The following CTNNA2 variants were observed in gnomAD, a reference collection of about 807,000 sequenced individuals.
The protein encoded by CTNNA2 is catenin alpha-2.
CTNNA2 carries 42 observed loss-of-function variants against 101.0 expected under a neutral mutation model. That is an observed-to-expected ratio of 0.42 (90% CI 0.32 to 0.54). The LOEUF is 0.54. Among genes scored for constraint, CTNNA2 ranks in the 20% least tolerant of loss-of-function variants. The pLI, the probability that CTNNA2 is intolerant of heterozygous loss-of-function variation, is 0.14. For missense variants in CTNNA2, 871 were observed against 1,223.1 expected, an observed-to-expected ratio of 0.71 and a Z score of 4.29; for synonymous variants, 450 against 456.4, an observed-to-expected ratio of 0.99 and a Z score of 0.18.
At chr2:80,386,434 A>C (rs1677008190) in intron 7 of CTNNA2, among the ~76,000 whole-genome samples, 1 of 152,222 alleles carries the variant, frequency 6.6e-6, no homozygotes, top group Non-Finnish European at 1.5e-5. Context: ...CATAATATAA[A>C]GATATTATGA....
At chr2:79,306,462 C>T (rs1676250758) in intron 2 of CTNNA2, among the ~76,000 whole-genome samples, 1 of 152,172 alleles carries the variant, frequency 6.6e-6, no homozygotes. Context: ...CATAAATACA[C>T]ATAATTTTTG....
intron 7 of CTNNA2, among the ~76,000 whole-genome samples, chr2:80,368,545 T>G (rs1675144060): frequency 6.6e-6 from 1 of 151,894 alleles, no homozygotes; most frequent in Admixed American, 6.6e-5. Flanking sequence ...CCAATGTGGG[T>G]ACAAAAAGTA....
At chr2:80,308,374 G>C (rs1388491841) in intron 7 of CTNNA2, among the ~76,000 whole-genome samples, 3 of 152,142 alleles carry the variant, frequency 2.0e-5, no homozygotes, top group Non-Finnish European at 4.4e-5. Context: ...CACCAGCCTG[G>C]ACCTTGATCT....
chr2:80,079,906 A>C (rs939511445), intron 7 of CTNNA2, among the ~76,000 whole-genome samples: 8 of 150,546 alleles, frequency 5.3e-5, no homozygotes, highest in African/African-American at 1.9e-4. Context: ...AAATAAAATA[A>C]AATAAAATAG....
intron 2 of CTNNA2, chr2:79,687,681 A>T (rs1684027772): frequency 1.8e-6 from 1 of 558,868 alleles, no homozygotes; most frequent in African/African-American, 2.0e-5. Context: ...AAAATAACTT[A>T]AAAAACTGGA....
rs116261050 is a variant in CTNNA2, at chr2:80,562,102, A to G, written c.1741+6209A>G. On this transcript the variant is annotated intron_variant, in intron 12 of 18. Transcript: ENST00000402739. ...GTAAACATATCTGGAGAAGCTGTCT[A>G]TAAATCTCTCTCCAGGTTATTTCAC... Among the ~76,000 whole-genome samples, 821 of 137,876 alleles carry G rather than the reference A, an allele frequency of 6.0e-3. 4 individuals are homozygous for G. Among genetic ancestry groups the G allele is most frequent in the African/African-American group, 0.02 (793 of 40,236 alleles). 90.5% of individuals were successfully genotyped at this position (137,876 alleles called of 152,430 possible). A position where few individuals can be genotyped will look rare whatever the true frequency, so the allele number is the denominator to read the frequency against.
chr2:79,817,885 T>C (rs1574048007), intron 3 of CTNNA2, among the ~76,000 whole-genome samples: 1 of 152,178 alleles, frequency 6.6e-6, no homozygotes, highest in East Asian at 1.9e-4. Flanking sequence ...CCAATTATAT[T>C]GCACCATCGA....
At chr2:79,994,583 T>A (rs1409347977) in intron 7 of CTNNA2, among the ~76,000 whole-genome samples, 2 of 151,128 alleles carry the variant, frequency 1.3e-5, no homozygotes, top group Non-Finnish European at 2.9e-5. Context: ...TTCTTCTGTT[T>A]CATAGGAAAA....
intron 7 of CTNNA2, among the ~76,000 whole-genome samples, chr2:80,352,305 T>C (rs748432130): frequency 1.3e-5 from 2 of 152,152 alleles, no homozygotes; most frequent in Non-Finnish European, 2.9e-5. Context: ...TGAACCTACA[T>C]AGAGAGCGAC....
intron 2 of CTNNA2, among the ~76,000 whole-genome samples, chr2:79,223,608 A>G (rs1674372945): frequency 6.6e-6 from 1 of 152,128 alleles, no homozygotes; most frequent in Non-Finnish European, 1.5e-5. Context: ...AGGGATAGAA[A>G]TCTTTCTGCT....
intron 3 of CTNNA2, among the ~76,000 whole-genome samples, chr2:79,767,859 G>A (rs1673275670): frequency 6.6e-6 from 1 of 151,382 alleles, no homozygotes; most frequent in Admixed American, 6.6e-5. Flanking sequence ...CAAGCAGAAG[G>A]AAGGGGTCTC....
intron 2 of CTNNA2, among the ~76,000 whole-genome samples, chr2:79,259,991 C>T (rs1216176568): frequency 6.6e-6 from 1 of 152,154 alleles, no homozygotes. Flanking sequence ...GCAGATGCTA[C>T]CTAGGAGTTT....
intron 7 of CTNNA2, among the ~76,000 whole-genome samples, chr2:79,963,146 G>A (rs1289012558): frequency 6.6e-6 from 1 of 150,380 alleles, no homozygotes; most frequent in Admixed American, 6.6e-5. Flanking sequence ...TAAAGATTGT[G>A]TTCTAAATGA....
At chr2:79,963,519 A>G (rs1017170661) in intron 7 of CTNNA2, among the ~76,000 whole-genome samples, 1 of 152,178 alleles carries the variant, frequency 6.6e-6, no homozygotes, top group Non-Finnish European at 1.5e-5. Context: ...CAGATAGCCC[A>G]TGTCAGTCAC....
intron 4 of CTNNA2, among the ~76,000 whole-genome samples, chr2:79,471,431 T>C (rs948541088): frequency 6.6e-6 from 1 of 152,134 alleles, no homozygotes; most frequent in Non-Finnish European, 1.5e-5. Context: ...TATCCTCCCA[T>C]GGAAGAAAGA....
intron 2 of CTNNA2, chr2:79,687,767 C>T (rs979245778): frequency 6.3e-6 from 3 of 477,720 alleles, no homozygotes; most frequent in South Asian, 3.2e-5. Flanking sequence ...TGAAAATTAA[C>T]TGAAGATGTT....
At chr2:80,227,770 T>C (rs1708970996) in intron 7 of CTNNA2, among the ~76,000 whole-genome samples, 1 of 152,176 alleles carries the variant, frequency 6.6e-6, no homozygotes, top group Non-Finnish European at 1.5e-5. Flanking sequence ...ATTTATGACT[T>C]GTCTGAGAGA....
At chr2:79,636,306 A>G (rs1680063994) in intron 1 of CTNNA2, among the ~76,000 whole-genome samples, 1 of 150,580 alleles carries the variant, frequency 6.6e-6, no homozygotes, top group Non-Finnish European at 1.5e-5. Flanking sequence ...AAAAGGAAGA[A>G]AAAGAAAAGA....
At chr2:79,619,665 A>G (rs1678867044) in intron 1 of CTNNA2, among the ~76,000 whole-genome samples, 3 of 152,158 alleles carry the variant, frequency 2.0e-5, no homozygotes, top group Non-Finnish European at 4.4e-5. Context: ...ATATTTCAAT[A>G]CGTGTGTCAT....
Sources: gnomAD v4.1 joint callset for allele counts (sites outside exome capture counted in the v4.1 genomes callset) on GRCh38, gnomAD v4.1.1 for gene constraint, MANE v1.5 for transcripts, NCBI Gene and HGNC (gene_info 2026-07-23, HGNC 2026-07-21) for gene names.